The following FGF12 variants were observed in gnomAD, a reference collection of about 807,000 sequenced individuals.
FGF12 encodes the protein fibroblast growth factor 12.
FGF12 carries 14 observed loss-of-function variants against 23.6 expected under a neutral mutation model. The observed-to-expected ratio is 0.59, with a 90% CI of 0.39 to 0.93. The LOEUF is 0.93. Ranked by LOEUF, FGF12 falls within the 40% of genes least tolerant of loss-of-function variation. FGF12 has a pLI of 0.00. For missense variants in FGF12, 175 were observed against 217.8 expected (o/e 0.80, Z 1.24); for synonymous variants, 62 against 77.3 (o/e 0.80, Z 1.04).
At chr3:192,605,535 A>G (rs1397397581) in intron 2 of FGF12, among the ~76,000 whole-genome samples, 1 of 152,196 alleles carries the variant, frequency 6.6e-6, no homozygotes, top group Non-Finnish European at 1.5e-5. Context: ...CAGCAAAACA[A>G]CTAACAACAG....
chr3:192,223,312 A>G (rs1718566030), intron 4 of FGF12, among the ~76,000 whole-genome samples: 1 of 152,162 alleles, frequency 6.6e-6, no homozygotes, highest in South Asian at 2.1e-4. Flanking sequence ...TAACAAGTAA[A>G]TATCAGTGCA....
At chr3:192,621,046 T>C (rs564732680) in intron 2 of FGF12, among the ~76,000 whole-genome samples, 2 of 152,266 alleles carry the variant, frequency 1.3e-5, no homozygotes, top group South Asian at 4.1e-4. Context: ...ACTTGAAAAT[T>C]TCAAACATCT....
At chr3:192,596,086 T>G (rs1713829492) in intron 2 of FGF12, among the ~76,000 whole-genome samples, 1 of 71,176 alleles carries the variant, frequency 1.4e-5, no homozygotes, top group Admixed American at 1.4e-4. Flanking sequence ...AGCCAGACCC[T>G]GACTCAAAAA....
intron 5 of FGF12, among the ~76,000 whole-genome samples, chr3:192,155,134 C>T (rs1261613521): frequency 1.1e-4 from 17 of 151,908 alleles, no homozygotes; most frequent in Admixed American, 1.0e-3. Flanking sequence ...TGCCCCCTTG[C>T]GCTTCCCAGG....
intron 4 of FGF12, among the ~76,000 whole-genome samples, chr3:192,275,361 C>T (rs1003112716): frequency 1.5e-5 from 2 of 131,250 alleles, no homozygotes; most frequent in Non-Finnish European, 3.2e-5. Context: ...TTTGAAAAGA[C>T]CAATTTGCTT....
rs1718683429 is a variant in FGF12 at position 192,360,700 on chromosome 3, T to C, written c.14-162A>G. ...GTTTCAGTAACATATCTATGCTTTT[T>C]TTTTTCCATTTAGAGGTAGAGCTTT... On this transcript the variant is annotated intron_variant, in intron 2 of 5. Transcript: ENST00000445105. This position sits in a 1 kb window ranked among gnomAD's most constrained non-coding sequence, Gnocchi z 4.3. 1 of 607,440 alleles carries C rather than the reference T, an allele frequency of 1.6e-6. No individual in the cohort carries two copies. Among genetic ancestry groups the C allele is most frequent in the African/African-American group, 1.9e-5 (1 of 53,920 alleles). 37.6% of individuals were successfully genotyped at this position (607,440 alleles called of 1,614,324 possible). A position where few individuals can be genotyped will look rare whatever the true frequency, so the allele number is the denominator to read the frequency against.
intron 4 of FGF12, among the ~76,000 whole-genome samples, chr3:192,211,535 C>A (rs1170040085): frequency 6.6e-6 from 1 of 152,128 alleles, no homozygotes; most frequent in African/African-American, 2.4e-5. Context: ...AAGCAGTTCT[C>A]CTGCCTCAGC....
At chr3:192,215,835 G>A (rs557028914) in intron 4 of FGF12, among the ~76,000 whole-genome samples, 28 of 152,224 alleles carry the variant, frequency 1.8e-4, no homozygotes, top group Admixed American at 7.9e-4. Flanking sequence ...CAACTTTCTA[G>A]TTTCCCTAAA....
intron 2 of FGF12, among the ~76,000 whole-genome samples, chr3:192,491,782 C>T (rs1723810495): frequency 6.6e-6 from 1 of 152,026 alleles, no homozygotes; most frequent in Non-Finnish European, 1.5e-5. Flanking sequence ...AATTATTGTA[C>T]AATACACTAG....
intron 4 of FGF12, among the ~76,000 whole-genome samples, chr3:192,303,243 A>G (rs1208824571): frequency 6.6e-6 from 1 of 152,220 alleles, no homozygotes; most frequent in Admixed American, 6.5e-5. Context: ...AATGGGCTTC[A>G]CAAAAAGCAA....
intron 2 of FGF12, among the ~76,000 whole-genome samples, chr3:192,702,029 C>T (rs1019697311): frequency 6.6e-6 from 1 of 152,210 alleles, no homozygotes; most frequent in African/African-American, 2.4e-5. Flanking sequence ...CCCACCACAA[C>T]TCTAATAACC....
chr3:192,160,068 A>C (rs1324602722), intron 5 of FGF12, among the ~76,000 whole-genome samples: 1 of 151,906 alleles, frequency 6.6e-6, no homozygotes, highest in Non-Finnish European at 1.5e-5. Flanking sequence ...TTATCTAACA[A>C]CCTACATCCA....
At chr3:192,610,202 G>T (rs921711566) in intron 2 of FGF12, among the ~76,000 whole-genome samples, 3 of 152,042 alleles carry the variant, frequency 2.0e-5, no homozygotes, top group East Asian at 1.9e-4. Flanking sequence ...TCCACCCGCT[G>T]CTGGGTACAG....
chr3:192,357,547 C>T (rs556984513), intron 3 of FGF12, among the ~76,000 whole-genome samples: 2 of 151,898 alleles, frequency 1.3e-5, no homozygotes, highest in South Asian at 2.1e-4. Context: ...GAACTCCAGC[C>T]TGGGCAACAG....
intron 4 of FGF12, among the ~76,000 whole-genome samples, chr3:192,227,176 T>A (rs1718778319): frequency 1.3e-5 from 2 of 152,128 alleles, no homozygotes; most frequent in Admixed American, 1.3e-4. Context: ...AACACATACA[T>A]ATACAATAAA....
chr3:192,156,457 T>A (rs1195053581), intron 5 of FGF12, among the ~76,000 whole-genome samples: 1 of 152,200 alleles, frequency 6.6e-6, no homozygotes, highest in Non-Finnish European at 1.5e-5. Flanking sequence ...AAACTTTGTT[T>A]CTCTCTGATT....
rs202170804 is a variant in FGF12, at chr3:192,378,026, T to TTTTCTTTCTTTCTTTCTTTCTTTCTTTC, written c.14-17516_14-17489dup. 6.3e-3 allele frequency among the ~76,000 whole-genome samples: 435 copies of TTTTCTTTCTTTCTTTCTTTCTTTCTTTC among 69,376 alleles called. 10 individuals carry two copies. The highest frequency in any genetic ancestry group is 8.3e-3 in the Non-Finnish European group (305 of 36,798). The allele number at this position is 69,376 out of a possible 152,430, so 45.5% of individuals were successfully genotyped here. A position where few individuals can be genotyped will look rare whatever the true frequency, so the allele number is the denominator to read the frequency against. On this transcript the variant is annotated intron_variant, in intron 2 of 5. Coordinates refer to ENST00000445105, the MANE Select transcript of FGF12 (RefSeq NM_004113.6). ...GAGATCCCTTTCTTCTGACTCTTTC[T>TTTTCTTTCTTTCTTTCTTTCTTTCTTTC]TTTCTTTCTTTCTTTCTTTCTTTCT...
intron 2 of FGF12, among the ~76,000 whole-genome samples, chr3:192,412,981 A>C (rs989237061): frequency 2.0e-5 from 3 of 152,208 alleles, no homozygotes; most frequent in Admixed American, 6.5e-5. Context: ...TTATGAGTGG[A>C]AGAAGTTTTA....
chr3:192,458,791 G>A (rs1371994283), intron 2 of FGF12, among the ~76,000 whole-genome samples: 2 of 152,088 alleles, frequency 1.3e-5, no homozygotes, highest in Non-Finnish European at 2.9e-5. Context: ...GAGATTTGGA[G>A]GGGCCAGGGG....
Sources: gnomAD v4.1 joint callset for allele counts (sites outside exome capture counted in the v4.1 genomes callset) on GRCh38, gnomAD v4.1.1 for gene constraint, Gnocchi (gnomAD v3.1) non-coding constraint, MANE v1.5 for transcripts, NCBI Gene and HGNC (gene_info 2026-07-23, HGNC 2026-07-21) for gene names.